Variants in PHF14 observed in about 807,000 individuals in gnomAD.
The protein encoded by PHF14 is PHD finger protein 14.
In PHF14, 55 loss-of-function variants were observed where a neutral mutation model predicts 117.9. That is an observed-to-expected ratio of 0.47 (90% CI 0.38 to 0.58). PHF14 has a LOEUF of 0.58. Among genes scored for constraint, PHF14 ranks in the 20% least tolerant of loss-of-function variants. The pLI is 0.00. For missense variants in PHF14, 978 were observed against 1,122.2 expected (o/e 0.87, Z 1.84); for synonymous variants, 409 against 368.6 (o/e 1.11, Z -1.26).
Position 11,116,277 on chromosome 7 carries a change from A to G in PHF14, c.2772+4810A>G, listed in dbSNP as rs115328326. On this transcript the variant is annotated intron_variant, in intron 17 of 17. Coordinates refer to ENST00000634607, the MANE Select transcript of PHF14 (RefSeq NM_001007157.2). ...TACTGTCTCTATCTCCATTCCTGGA[A>G]TCAGCTGTTTCTCCAAGGAGCCCAG... Among the ~76,000 whole-genome samples, 569 of 152,080 alleles carry G rather than the reference A, an allele frequency of 3.7e-3. 2 individuals are homozygous for G. The highest frequency in any genetic ancestry group is 0.012 in the African/African-American group (517 of 41,550).
At chr7:11,106,846 A>G in intron 16 of PHF14, 1 of 984,058 alleles carries the variant, frequency 1.0e-6, no homozygotes, top group African/African-American at 1.7e-5. Flanking sequence ...CAGACATAAT[A>G]GTCTATATTT....
intron 17 of PHF14, among the ~76,000 whole-genome samples, chr7:11,160,239 A>C (rs1037583312): frequency 2.6e-5 from 4 of 152,138 alleles, no homozygotes; most frequent in African/African-American, 9.7e-5. Context: ...ACATGATTTC[A>C]TTCTTCTTAA....
At chr7:11,021,420 TC>T (rs1412228014) in intron 5 of PHF14, among the ~76,000 whole-genome samples, 1 of 152,220 alleles carries the variant, frequency 6.6e-6, no homozygotes, top group African/African-American at 2.4e-5. Context: ...GCCATGATTT[TC>T]ATTGACTTTG....
chr7:11,145,643 T>C (rs999490613), intron 17 of PHF14, among the ~76,000 whole-genome samples: 4 of 151,968 alleles, frequency 2.6e-5, no homozygotes, highest in African/African-American at 9.7e-5. Context: ...TATATTAATA[T>C]ACTTCATCGA....
chr7:11,011,902 A>G (rs2128315743), intron 4 of PHF14, among the ~76,000 whole-genome samples: 1 of 152,302 alleles, frequency 6.6e-6, no homozygotes, highest in East Asian at 1.9e-4. Flanking sequence ...ATGGTTTTTT[A>G]TAGTCTGAAT....
rs112854713 is a variant in PHF14 at position 10,991,997 on chromosome 7, A to G, written c.1045+1150A>G. On this transcript the variant is annotated intron_variant, in intron 4 of 17. Coordinates refer to ENST00000634607, the MANE Select transcript of PHF14 (RefSeq NM_001007157.2). ...GGAAAAAGTTGACTATTTTAGTCTG[A>G]TAGAAAACATTCTTAAAAAATTTAT... is the stretch of plus-strand genomic sequence containing the variant. 4.8e-4 allele frequency among the ~76,000 whole-genome samples: 73 copies of G among 151,772 alleles called. 5 individuals carry two copies. Among genetic ancestry groups the G allele is most frequent in the African/African-American group, 1.7e-3 (71 of 41,436 alleles).
intron 16 of PHF14, among the ~76,000 whole-genome samples, chr7:11,079,019 G>A (rs1480194746): frequency 6.6e-6 from 1 of 152,058 alleles, no homozygotes; most frequent in Non-Finnish European, 1.5e-5. Context: ...TAATTCTTAA[G>A]TGCCTAAATT....
chr7:11,021,110 T>C (rs1783719678), intron 5 of PHF14, among the ~76,000 whole-genome samples: 1 of 152,224 alleles, frequency 6.6e-6, no homozygotes, highest in Non-Finnish European at 1.5e-5. Context: ...TTGAGAAGTA[T>C]CACTCTACTT....
chr7:11,036,751 G>T, intron 9 of PHF14, 63 bp downstream of exon 9: 1 of 1,418,432 alleles, frequency 7.1e-7, no homozygotes, highest in South Asian at 1.3e-5. Context: ...GAAAATGTTT[G>T]ATATACTGTT....
intron 2 of PHF14, among the ~76,000 whole-genome samples, chr7:10,979,553 C>CTT (rs202055293): frequency 3.0e-4 from 40 of 131,782 alleles, no homozygotes; most frequent in Middle Eastern, 8.1e-3. Context: ...CTTTCTCTCT[C>CTT]TTTTTTTTTT....
At chr7:11,007,999 C>T (rs575089199) in intron 4 of PHF14, among the ~76,000 whole-genome samples, 1 of 152,228 alleles carries the variant, frequency 6.6e-6, no homozygotes, top group East Asian at 1.9e-4. Flanking sequence ...GTGGGAAGAT[C>T]TTCTAATATT....
chr7:11,082,617 A>C (rs1347542374), intron 16 of PHF14, among the ~76,000 whole-genome samples: 1 of 152,266 alleles, frequency 6.6e-6, no homozygotes, highest in East Asian at 1.9e-4. Context: ...TGTACTTCCC[A>C]GTCTTCCTTA....
At chr7:11,085,664 G>A (rs908460497) in intron 16 of PHF14, among the ~76,000 whole-genome samples, 4 of 151,546 alleles carry the variant, frequency 2.6e-5, no homozygotes, top group African/African-American at 7.3e-5. Context: ...TTTTTTTTGA[G>A]ACAGTGTCTC....
intron 3 of PHF14, among the ~76,000 whole-genome samples, chr7:10,984,826 T>G (rs1245457764): frequency 6.6e-6 from 1 of 152,030 alleles, no homozygotes; most frequent in East Asian, 1.9e-4. Flanking sequence ...GGTTGTTTAG[T>G]TTTTTTTCCC....
intron 5 of PHF14, among the ~76,000 whole-genome samples, chr7:11,019,184 C>G (rs1189473705): frequency 6.6e-6 from 1 of 152,112 alleles, no homozygotes; most frequent in East Asian, 1.9e-4. Flanking sequence ...GAGATACTGG[C>G]CTGTAGTTTT....
intron 17 of PHF14, among the ~76,000 whole-genome samples, chr7:11,131,603 A>G (rs1038980833): frequency 5.3e-5 from 8 of 151,874 alleles, no homozygotes; most frequent in Non-Finnish European, 1.0e-4. Context: ...AAATATTATC[A>G]CTGTTTTTTG....
chr7:11,036,757 C>A, intron 9 of PHF14, 69 bp downstream of exon 9: 1 of 1,385,588 alleles, frequency 7.2e-7, no homozygotes, highest in Non-Finnish European at 9.9e-7. Context: ...GTTTGATATA[C>A]TGTTAATTTT....
At position 11,154,577 on chromosome 7, in the gene PHF14, A is replaced by G. The variant is rs538006985; in HGVS notation, c.2773-14839A>G. 2.6e-5 allele frequency among the ~76,000 whole-genome samples: 4 copies of G among 152,276 alleles called. No individual in the cohort carries two copies. In the East Asian group the frequency reaches 7.7e-4, roughly 29 times the overall value. On this transcript the variant is annotated intron_variant, in intron 17 of 17. Transcript: ENST00000634607. ...ACCTAGACCTATATTGGTCCTACCT[A>G]GATTCCCAATATTGTTTTCATATCA...
chr7:11,105,106 G>A (rs1787215639), intron 16 of PHF14: 1 of 966,204 alleles, frequency 1.0e-6, no homozygotes, highest in African/African-American at 1.8e-5. Context: ...AACATAGCCT[G>A]TGTTCACAAT....
Sources: allele counts gnomAD v4.1 joint callset (sites outside exome capture counted in the v4.1 genomes callset), GRCh38; gene constraint gnomAD v4.1.1; transcripts MANE v1.5; gene names NCBI Gene and HGNC (gene_info 2026-07-23, HGNC 2026-07-21).